The following SSBP2 variants were observed in gnomAD, a reference collection of about 807,000 sequenced individuals.
SSBP2 encodes the protein single stranded DNA binding protein 2.
Under a neutral mutation model 61.8 loss-of-function variants are expected in SSBP2, and 17 were observed. The observed-to-expected ratio is 0.28, with a 90% CI of 0.19 to 0.41. SSBP2 has a LOEUF of 0.41. SSBP2 is among the 10% of genes least tolerant of loss of function. The probability of loss-of-function intolerance (pLI) is 1.00; values close to 1 mark genes in which losing one functional copy is unlikely to be tolerated. For synonymous variants in SSBP2, 139 were observed against 141.3 expected (o/e 0.98, Z 0.12); for missense variants, 310 against 458.7 (o/e 0.68, Z 2.96).
chr5:81,671,481 C>T (rs1340402048), intron 1 of SSBP2, among the ~76,000 whole-genome samples: 2 of 151,954 alleles, frequency 1.3e-5, no homozygotes, highest in African/African-American at 2.4e-5. Flanking sequence ...GCAATATGGT[C>T]AGGGGATGCA....
intron 6 of SSBP2, among the ~76,000 whole-genome samples, chr5:81,479,447 C>A (rs1336537660): frequency 6.6e-6 from 1 of 152,032 alleles, no homozygotes; most frequent in Non-Finnish European, 1.5e-5. Context: ...TCCACTACCT[C>A]GCCTGGCTAA....
At chr5:81,615,168 T>C (rs899203152) in intron 4 of SSBP2, 14 of 200,982 alleles carry the variant, frequency 7.0e-5, no homozygotes, top group Non-Finnish European at 1.2e-4. Context: ...TTTTGTAGAA[T>C]AAAAAAATTA....
intron 2 of SSBP2, among the ~76,000 whole-genome samples, chr5:81,636,820 A>G (rs964952827): frequency 1.3e-5 from 2 of 152,142 alleles, no homozygotes; most frequent in Admixed American, 1.3e-4. Context: ...TGTCACCACT[A>G]TTTTCCTGAA....
At chr5:81,511,404 C>T (rs552251795) in intron 5 of SSBP2, among the ~76,000 whole-genome samples, 2 of 152,222 alleles carry the variant, frequency 1.3e-5, no homozygotes, top group East Asian at 3.9e-4. Flanking sequence ...CATTGCCCTT[C>T]CTAAAGATCT....
chr5:81,432,874 C>T (rs1762396674), intron 15 of SSBP2, among the ~76,000 whole-genome samples: 1 of 150,252 alleles, frequency 6.7e-6, no homozygotes, highest in Non-Finnish European at 1.5e-5. Flanking sequence ...GCCTGGCCAC[C>T]CCTACTGGGA....
chr5:81,687,661 C>T (rs1181998614), intron 1 of SSBP2, among the ~76,000 whole-genome samples: 1 of 152,134 alleles, frequency 6.6e-6, no homozygotes, highest in Non-Finnish European at 1.5e-5. Flanking sequence ...AAAACCAGCT[C>T]GGTCACAGTA....
intron 4 of SSBP2, among the ~76,000 whole-genome samples, chr5:81,585,627 T>C (rs1041296688): frequency 6.6e-6 from 1 of 152,144 alleles, no homozygotes; most frequent in Non-Finnish European, 1.5e-5. Flanking sequence ...ATCAAGCTAA[T>C]TAACATATCT....
intron 1 of SSBP2, among the ~76,000 whole-genome samples, chr5:81,708,646 A>T (rs967603842): frequency 7.3e-6 from 1 of 137,274 alleles, no homozygotes; most frequent in Non-Finnish European, 1.6e-5. Flanking sequence ...AGAGACAACC[A>T]GAAAATTAAT....
intron 5 of SSBP2, among the ~76,000 whole-genome samples, chr5:81,500,459 G>A (rs1471685409): frequency 2.6e-5 from 4 of 151,434 alleles, no homozygotes; most frequent in Non-Finnish European, 4.4e-5. Context: ...TGATCCTCCC[G>A]CTGTGGCATC....
At chr5:81,654,431 T>C (rs915795828) in intron 1 of SSBP2, among the ~76,000 whole-genome samples, 1 of 152,240 alleles carries the variant, frequency 6.6e-6, no homozygotes, top group South Asian at 2.1e-4. Context: ...ATTTTGCTTG[T>C]ATTGTCAAAA....
At chr5:81,654,167 G>A (rs1750010271) in intron 1 of SSBP2, among the ~76,000 whole-genome samples, 1 of 152,086 alleles carries the variant, frequency 6.6e-6, no homozygotes, top group African/African-American at 2.4e-5. Flanking sequence ...GTCTTGCTAT[G>A]TTGCCAAGGC....
chr5:81,438,585 C>A (rs1391639930), intron 14 of SSBP2, among the ~76,000 whole-genome samples: 21 of 151,958 alleles, frequency 1.4e-4, no homozygotes, highest in Admixed American at 1.4e-3. Context: ...ATACCGAATG[C>A]ATATATGCAA....
chr5:81,717,332 C>T (rs1016026103), intron 1 of SSBP2, among the ~76,000 whole-genome samples: 2 of 152,190 alleles, frequency 1.3e-5, no homozygotes, highest in Non-Finnish European at 2.9e-5. Context: ...CTATCCGTAA[C>T]ATATTCTATC....
intron 4 of SSBP2, among the ~76,000 whole-genome samples, chr5:81,555,372 G>A (rs1254164924): frequency 6.6e-6 from 1 of 151,932 alleles, no homozygotes; most frequent in Non-Finnish European, 1.5e-5. Flanking sequence ...GTTTTTTATG[G>A]AAAGTCATTT....
At chr5:81,725,187 T>A (rs1441121937) in intron 1 of SSBP2, among the ~76,000 whole-genome samples, 2 of 152,004 alleles carry the variant, frequency 1.3e-5, no homozygotes, top group Non-Finnish European at 2.9e-5. Context: ...GCCACGTGAA[T>A]AAGGGGAAAG....
rs905785856 is a variant in SSBP2 at position 81,447,116 on chromosome 5, T to G, written c.724-194A>C. Among the ~76,000 whole-genome samples, 6 of 152,330 alleles carry G rather than the reference T, an allele frequency of 3.9e-5. No homozygotes were observed. The South Asian group carries it at 1.2e-3, about 32-fold the overall frequency. ...TAGCTTAAATATGTTGAGACTGTTTTGACAAATTTCCAAAAACAATGAGCC... is the reference window on the plus strand; with the variant it reads ...TAGCTTAAATATGTTGAGACTGTTTGGACAAATTTCCAAAAACAATGAGCC... On this transcript the variant is annotated intron_variant, in intron 11 of 16. Transcript: ENST00000320672.
rs1757151418 is a variant in SSBP2 at position 81,743,314 on chromosome 5, C to A, written c.62+7667G>T. ...TTAGACATGCCTGAAATACTGTAAC[C>A]TGGTCTTTCTATGGCTGATTCTTTC... On this transcript the variant is annotated intron_variant, in intron 1 of 16. Transcript: ENST00000320672. Among the ~76,000 whole-genome samples the A allele has an allele frequency of 2.0e-5, 3 of 152,146 alleles. No individual in the cohort carries two copies. In the South Asian group the frequency reaches 6.2e-4, roughly 32 times the overall value.
At chr5:81,584,402 A>G (rs1321365854) in intron 4 of SSBP2, among the ~76,000 whole-genome samples, 1 of 152,134 alleles carries the variant, frequency 6.6e-6, no homozygotes, top group Non-Finnish European at 1.5e-5. Context: ...ATAATTTTTA[A>G]CTCTTATCAG....
chr5:81,532,663 T>C (rs994101033), intron 4 of SSBP2, among the ~76,000 whole-genome samples: 3 of 151,880 alleles, frequency 2.0e-5, no homozygotes, highest in Non-Finnish European at 4.4e-5. Flanking sequence ...AGAAACAACT[T>C]TATGTATAAG....
Sources: gnomAD v4.1 joint callset for allele counts (sites outside exome capture counted in the v4.1 genomes callset) on GRCh38, gnomAD v4.1.1 for gene constraint, MANE v1.5 for transcripts, NCBI Gene and HGNC (gene_info 2026-07-23, HGNC 2026-07-21) for gene names.